The following WDR41 variants were observed in gnomAD, a reference collection of about 807,000 sequenced individuals.
WDR41 encodes WD repeat-containing protein 41.
Under a neutral mutation model 69.3 loss-of-function variants are expected in WDR41, and 63 were observed. The observed-to-expected ratio is 0.91, with a 90% confidence interval of 0.74 to 1.12. WDR41 has a LOEUF of 1.12. Among genes scored for constraint, WDR41 ranks in the 50% most tolerant of loss-of-function variants. The pLI, the probability that WDR41 is intolerant of heterozygous loss-of-function variation, is 0.00. For missense variants in WDR41, 543 were observed against 534.5 expected, an observed-to-expected ratio of 1.02 and a Z score of -0.16; for synonymous variants, 185 against 192.1, an observed-to-expected ratio of 0.96 and a Z score of 0.31.
At chr5:77,511,996 A>G (rs1039964769) in intron 1 of WDR41, among the ~76,000 whole-genome samples, 4 of 152,188 alleles carry the variant, frequency 2.6e-5, no homozygotes, top group Admixed American at 2.0e-4. Context: ...TAGGCAGTTA[A>G]TCAACGAATA....
intron 7 of WDR41, 79 bp downstream of exon 7, chr5:77,451,211 TA>T: frequency 1.4e-6 from 2 of 1,395,384 alleles, no homozygotes; most frequent in Non-Finnish European, 2.0e-6. Context: ...GTCCCTTAAA[TA>T]AAAAATTACT....
chr5:77,589,140 A>T (rs1301248424), intron 1 of WDR41, among the ~76,000 whole-genome samples: 1 of 152,218 alleles, frequency 6.6e-6, no homozygotes, highest in South Asian at 2.1e-4. Flanking sequence ...TCCTCTAATG[A>T]CTGTGAAGCA....
intron 1 of WDR41, among the ~76,000 whole-genome samples, chr5:77,581,684 T>C (rs1253753495): frequency 6.6e-6 from 1 of 151,518 alleles, no homozygotes; most frequent in African/African-American, 2.4e-5. Context: ...AAATTAGAAA[T>C]CAATAGTGGG....
At chr5:77,572,401 C>T (rs1466390623) in intron 1 of WDR41, among the ~76,000 whole-genome samples, 1 of 152,298 alleles carries the variant, frequency 6.6e-6, no homozygotes, top group East Asian at 1.9e-4. Flanking sequence ...TAAAAGCTCT[C>T]AAGAGTATTC....
At position 77,431,635 on chromosome 5, in the gene WDR41, TTACTATCACAAAATAC is replaced by T. The variant is rs1798725518; in HGVS notation, c.*1484_*1499del. 6.6e-6 allele frequency: 1 copy of T among 152,142 alleles called. No individual in the cohort carries two copies. The highest frequency in any genetic ancestry group is 1.5e-5 in the Non-Finnish European group (1 of 68,032). The allele number at this position is 152,142 out of a possible 1,614,324, so 9.4% of individuals were successfully genotyped here. On this transcript the variant is annotated 3_prime_UTR_variant, in exon 13 of 13. Transcript: ENST00000296679. ...ATTTCTACCACTCCATTTGAATAGA[TTACTATCACAAAATAC>T]TAGCCTAGAACAGGCTAGGAAGTAA...
intron 1 of WDR41, among the ~76,000 whole-genome samples, chr5:77,581,240 C>CA (rs1363452238): frequency 6.6e-6 from 1 of 151,798 alleles, no homozygotes; most frequent in African/African-American, 2.4e-5. Flanking sequence ...GACCTTAAAA[C>CA]AAAAAATATT....
intron 1 of WDR41, among the ~76,000 whole-genome samples, chr5:77,557,545 A>C (rs754017145): frequency 6.6e-6 from 1 of 152,214 alleles, no homozygotes; most frequent in South Asian, 2.1e-4. Context: ...CAAAAATTAA[A>C]AATTCTGACA....
intron 1 of WDR41, among the ~76,000 whole-genome samples, chr5:77,570,927 T>C (rs576845825): frequency 1.3e-5 from 2 of 152,202 alleles, no homozygotes; most frequent in African/African-American, 4.8e-5. Context: ...ACCCTATTTA[T>C]CTTGAATGTA....
Position 77,436,386 on chromosome 5 carries a change from T to TA in WDR41, c.1101dup (p.Asn368Ter), listed in dbSNP as rs748110033. 3.6e-5 allele frequency: 58 copies of TA among 1,613,382 alleles called. No homozygotes were observed. Among genetic ancestry groups the TA allele is most frequent in the African/African-American group, 6.7e-5 (5 of 74,858 alleles). On this transcript the variant is annotated frameshift_variant, in exon 12 of 13. Transcript: ENST00000296679. LOFTEE classifies it high-confidence loss of function. ...CTGACTCTTCCAAATCCCCACATGT[T>TA]AAAAAAACCTAGAAAAAGAATCATT...
At chr5:77,570,691 A>C (rs1390914651) in intron 1 of WDR41, among the ~76,000 whole-genome samples, 2 of 151,718 alleles carry the variant, frequency 1.3e-5, no homozygotes, top group African/African-American at 4.8e-5. Context: ...TTCCATTCAA[A>C]TTATCATTAG....
At chr5:77,601,291 T>C (rs898977613) in intron 1 of WDR41, among the ~76,000 whole-genome samples, 5 of 152,170 alleles carry the variant, frequency 3.3e-5, no homozygotes, top group African/African-American at 7.2e-5. Flanking sequence ...TGTCGAGATA[T>C]ACCTACCTGA....
intron 8 of WDR41, among the ~76,000 whole-genome samples, chr5:77,442,784 C>T (rs1288921855): frequency 2.0e-5 from 3 of 146,466 alleles, no homozygotes; most frequent in South Asian, 2.2e-4. Context: ...CCCAGCTACT[C>T]GGGAGGCTGA....
chr5:77,559,461 G>C (rs1743479456), intron 1 of WDR41, among the ~76,000 whole-genome samples: 5 of 151,958 alleles, frequency 3.3e-5, no homozygotes, highest in Admixed American at 3.3e-4. Context: ...AGCTGCTTTA[G>C]CAAGGCACTA....
intron 1 of WDR41, among the ~76,000 whole-genome samples, chr5:77,567,387 A>G (rs777572351): frequency 5.9e-5 from 9 of 152,068 alleles, no homozygotes; most frequent in Non-Finnish European, 1.2e-4. Context: ...AGAGAAAAAG[A>G]TTTGCACTCT....
In WDR41 at chr5:77,608,994, G is replaced by A. The variant is rs896457412; in HGVS notation, c.42+11485C>T. On this transcript the variant is annotated intron_variant, in intron 1 of 5. Coordinates refer to the WDR41 transcript ENST00000509971. ...ACGGGCTTAAAAAACGGCGCACCGG[G>A]AGATTATATCCCGCACCTGGCTCGG... Among the ~76,000 whole-genome samples, 15 of 152,338 alleles carry A rather than the reference G, an allele frequency of 9.8e-5. No homozygotes were observed. In the East Asian group the frequency reaches 1.7e-3, roughly 18 times the overall value.
At chr5:77,470,100 C>A (rs540659352) in intron 2 of WDR41, among the ~76,000 whole-genome samples, 16 of 151,424 alleles carry the variant, frequency 1.1e-4, no homozygotes, top group Non-Finnish European at 2.2e-4. Flanking sequence ...CTCTACAAGC[C>A]AGAAGATAAT....
Position 77,436,505 on chromosome 5 carries a change from C to T in WDR41, c.1094-111G>A, listed in dbSNP as rs909824582. The T allele has an allele frequency of 2.3e-6, 3 of 1,332,762 alleles. No individual in the cohort carries two copies. In the African/African-American group the frequency reaches 4.4e-5, roughly 20 times the overall value. 82.6% of individuals were successfully genotyped at this position (1,332,762 alleles called of 1,614,324 possible). On this transcript the variant is annotated intron_variant, in intron 11 of 12. Coordinates refer to ENST00000296679, the MANE Select transcript of WDR41 (RefSeq NM_018268.4). ...GTTCCAGACTTATTTTAGTCAAGGG[C>T]TAAGTGGACAGTACCTGAGCACCGT...
rs938979397 is a variant in WDR41 at position 77,431,243 on chromosome 5, T to C, written c.*1892A>G. 6.6e-6 allele frequency: 1 copy of C among 152,348 alleles called. No homozygotes were observed. Among genetic ancestry groups the C allele is most frequent in the Non-Finnish European group, 1.5e-5 (1 of 68,068 alleles). The allele number at this position is 152,348 out of a possible 1,614,324, so 9.4% of individuals were successfully genotyped here. On this transcript the variant is annotated 3_prime_UTR_variant, in exon 13 of 13. Transcript: ENST00000296679. The stretch of plus-strand genomic sequence containing the variant: ...TTTGGAAAACTTCATCGCTATCTTA[T>C]TTTAAGGAACTGCCACAGCCACCCC...
chr5:77,449,977 C>A, intron 7 of WDR41, 107 bp from the exon 8 acceptor site: 1 of 722,530 alleles, frequency 1.4e-6, no homozygotes, highest in Non-Finnish European at 2.3e-6. Flanking sequence ...ACCTACCATA[C>A]TGAAAAACCC....
Sources: gnomAD v4.1 joint callset for allele counts (sites outside exome capture counted in the v4.1 genomes callset) on GRCh38, gnomAD v4.1.1 for gene constraint, MANE v1.5 for transcripts, NCBI Gene and HGNC (gene_info 2026-07-23, HGNC 2026-07-21) for gene names.